Variants in KCTD13 observed in about 807,000 individuals in gnomAD.
KCTD13 encodes the protein BTB/POZ domain-containing adapter for CUL3-mediated RhoA degradation protein 1.
In KCTD13, 15 loss-of-function variants were observed where a neutral mutation model predicts 32.3. The ratio of observed to expected loss-of-function variants is 0.46; its 90% CI spans 0.31 to 0.71. KCTD13 has a LOEUF of 0.71. Ranked by LOEUF, KCTD13 falls within the 30% of genes least tolerant of loss-of-function variation. KCTD13 has a pLI of 0.05. For missense variants in KCTD13, 337 were observed against 452.6 expected (o/e 0.74, Z 2.32); for synonymous variants, 189 against 200.1 (o/e 0.94, Z 0.47).
At position 29,914,723 on chromosome 16, in the gene KCTD13, G is replaced by A. The variant is rs187310193; in HGVS notation, c.415-2674C>T. 380 of 152,374 alleles carry A rather than the reference G, an allele frequency of 2.5e-3. 1 individual carries two copies. Among genetic ancestry groups the A allele is most frequent in the Middle Eastern group, 0.01 (3 of 296 alleles). The allele number at this position is 152,374 out of a possible 1,614,324, so 9.4% of individuals were successfully genotyped here. On this transcript the variant is annotated intron_variant, in intron 2 of 5. Transcript: ENST00000568000. ...GTTGGGATTACAGGCGTGAGCCACCGCATCCAGCCCTTAAGTGCATTTCCT... is the reference window on the plus strand; with the variant it reads ...GTTGGGATTACAGGCGTGAGCCACCACATCCAGCCCTTAAGTGCATTTCCT...
chr16:29,926,102 TCGGCCGGC>T lies in KCTD13; in HGVS notation c.-77_-70del. 1 of 1,427,234 alleles carries T rather than the reference TCGGCCGGC, an allele frequency of 7.0e-7. No individual in the cohort carries two copies. Among genetic ancestry groups the T allele is most frequent in the African/African-American group, 1.5e-5 (1 of 66,544 alleles). The allele number at this position is 1,427,234 out of a possible 1,614,324, so 88.4% of individuals were successfully genotyped here. A position where few individuals can be genotyped will look rare whatever the true frequency, so the allele number is the denominator to read the frequency against. On this transcript the variant is annotated 5_prime_UTR_variant, in exon 1 of 6. Coordinates refer to ENST00000568000, the MANE Select transcript of KCTD13 (RefSeq NM_178863.5). The stretch of plus-strand genomic sequence containing the variant: ...CCCTGCGGCCTGCTCCCGAAGACCC[TCGGCCGGC>T]CCCCAGCCCTTGGGCCAGACCGCTC...
chr16:29,912,121 A>C (rs908794205), intron 2 of KCTD13, 72 bp from the exon 3 acceptor site: 1 of 1,083,318 alleles, frequency 9.2e-7, no homozygotes, highest in Admixed American at 2.2e-5. Flanking sequence ...AAGCCTTCAA[A>C]AGCTGGTTGG....
At chr16:29,913,293 T>G (rs1308677213) in intron 2 of KCTD13, 1 of 152,104 alleles carries the variant, frequency 6.6e-6, no homozygotes, top group Non-Finnish European at 1.5e-5. Context: ...CTGCCAGATA[T>G]TAAGATAGGC....
chr16:29,923,731 G>T (rs7184288), intron 1 of KCTD13, among the ~76,000 whole-genome samples: 1 of 151,358 alleles, frequency 6.6e-6, no homozygotes, highest in Non-Finnish European at 1.5e-5. Context: ...CTTGGTGGCT[G>T]GTGCCAGCTA....
chr16:29,923,131 A>C (rs2068940252), intron 2 of KCTD13, 59 bp downstream of exon 2: 1 of 1,581,954 alleles, frequency 6.3e-7, no homozygotes, highest in Non-Finnish European at 8.6e-7. Context: ...TTTCTGCTCT[A>C]ATACCTGCTT....
At position 29,906,815 on chromosome 16, in the gene KCTD13, GGAAA is replaced by G. The variant is rs1309716468; in HGVS notation, c.*53_*56del. ...CGGGGCAAAAGTCTGGGAAGGGGAGGGAAAGAGAGAGGGACTGGGTCCCAAGGCA... is the reference window on the plus strand; with the variant it reads ...CGGGGCAAAAGTCTGGGAAGGGGAGGGAGAGAGGGACTGGGTCCCAAGGCA... On this transcript the variant is annotated 3_prime_UTR_variant, in exon 6 of 6. Coordinates refer to ENST00000568000, the MANE Select transcript of KCTD13 (RefSeq NM_178863.5). 17 of 1,486,848 alleles carry G rather than the reference GGAAA, an allele frequency of 1.1e-5. No homozygotes were observed. Among genetic ancestry groups the G allele is most frequent in the Non-Finnish European group, 1.5e-5 (16 of 1,073,306 alleles). The allele number at this position is 1,486,848 out of a possible 1,614,324, so 92.1% of individuals were successfully genotyped here. A position where few individuals can be genotyped will look rare whatever the true frequency, so the allele number is the denominator to read the frequency against.
chr16:29,912,282 G>C, intron 2 of KCTD13: 1 of 572,474 alleles, frequency 1.7e-6, no homozygotes, highest in Non-Finnish European at 3.0e-6. Context: ...CCGGCCACTG[G>C]CTGTGCCCCT....
chr16:29,911,073 C>T lies in KCTD13; in HGVS notation c.658G>A (p.Glu220Lys), dbSNP rs763903243. 3.7e-6 allele frequency: 6 copies of T among 1,614,082 alleles called. No homozygotes were observed. Among genetic ancestry groups the T allele is most frequent in the Non-Finnish European group, 5.1e-6 (6 of 1,180,032 alleles). ...LLFLKDVLGD[E>K]ICCWSFYGQG... ...CCGTAGAAAGACCAGCAGCAGATCT[C>T]GTCCCCCAGGACATCCTTGAGGAAG... Residue 220 changes from glutamate to lysine, a missense_variant, in exon 5 of 6, where the codon GAG becomes AAG. Glu to Lys is a moderately conservative substitution (Grantham distance 56). Transcript: ENST00000568000.
intron 2 of KCTD13, chr16:29,915,025 C>T (rs902223274): frequency 6.6e-6 from 1 of 151,548 alleles, no homozygotes; most frequent in African/African-American, 2.4e-5. Flanking sequence ...ATAAGTCATA[C>T]ATATAAGTCA....
intron 2 of KCTD13, among the ~76,000 whole-genome samples, chr16:29,916,022 G>C (rs2150839640): frequency 6.6e-6 from 1 of 152,180 alleles, no homozygotes; most frequent in Admixed American, 6.5e-5. Context: ...CAAGAAGCCA[G>C]GTGGCACCTT....
chr16:29,920,543 C>T (rs913948670), intron 2 of KCTD13: 10 of 151,796 alleles, frequency 6.6e-5, no homozygotes, highest in Non-Finnish European at 1.5e-4. Flanking sequence ...GGATCTCCTG[C>T]TAAGCAACAT....
chr16:29,917,596 G>A (rs2068832961), intron 2 of KCTD13, among the ~76,000 whole-genome samples: 1 of 151,930 alleles, frequency 6.6e-6, no homozygotes, highest in East Asian at 1.9e-4. Flanking sequence ...TCTGGCCAAC[G>A]TCGTGAAACC....
At chr16:29,917,635 C>T (rs1199868841) in intron 2 of KCTD13, among the ~76,000 whole-genome samples, 1 of 152,024 alleles carries the variant, frequency 6.6e-6, no homozygotes, top group African/African-American at 2.4e-5. Context: ...AAAAATTAGC[C>T]AGGCATGGTG....
At chr16:29,913,478 G>A (rs1330968519) in intron 2 of KCTD13, 1 of 152,192 alleles carries the variant, frequency 6.6e-6, no homozygotes, top group Non-Finnish European at 1.5e-5. Flanking sequence ...ATCTATCACT[G>A]TGTAACAAAC....
In KCTD13 at chr16:29,923,306, G is replaced by A. The variant is rs1169964727; in HGVS notation, c.298C>T (p.Leu100=). 2 of 1,614,152 alleles carry A rather than the reference G, an allele frequency of 1.2e-6. No homozygotes were observed. The highest frequency in any genetic ancestry group is 1.7e-6 in the Non-Finnish European group (2 of 1,180,034). The change falls in exon 2 of 6, where the codon CTG becomes TTG. Residue 100 remains leucine, a synonymous_variant. Transcript: ENST00000568000. The part of the protein sequence containing the change: ...GRHFGTILNY[L]RDGSVPLPES... ...GGCAGTGGCACAGACCCATCCCGCAGGTAATTGAGGATTGTACCAAAGTGA... is the reference window on the plus strand; with the variant it reads ...GGCAGTGGCACAGACCCATCCCGCAAGTAATTGAGGATTGTACCAAAGTGA...
At chr16:29,925,645 T>A in intron 1 of KCTD13, 145 bp downstream of exon 1, 1 of 710,002 alleles carries the variant, frequency 1.4e-6, no homozygotes, top group Non-Finnish European at 2.4e-6. Context: ...GGAGATGGGA[T>A]GTGGGGGCTG....
chr16:29,923,753 G>A (rs544948822), intron 1 of KCTD13, among the ~76,000 whole-genome samples: 4 of 152,040 alleles, frequency 2.6e-5, no homozygotes, highest in East Asian at 1.9e-4. Flanking sequence ...TCGGGGGGGG[G>A]CGAGGCAGGA....
chr16:29,919,296 T>A (rs765426441), intron 2 of KCTD13, among the ~76,000 whole-genome samples: 2 of 151,598 alleles, frequency 1.3e-5, no homozygotes, highest in Non-Finnish European at 2.9e-5. Context: ...ATGCTTATGG[T>A]ATTATTTGGC....
chr16:29,910,772 C>A (rs1013034595), intron 5 of KCTD13, among the ~76,000 whole-genome samples: 13 of 152,230 alleles, frequency 8.5e-5, no homozygotes, highest in African/African-American at 3.1e-4. Flanking sequence ...AGGCTAAGCA[C>A]CCTGCTCTAA....
Sources: gnomAD v4.1 joint callset for allele counts (sites outside exome capture counted in the v4.1 genomes callset) on GRCh38, gnomAD v4.1.1 for gene constraint, MANE v1.5 for transcripts, NCBI Gene and HGNC (gene_info 2026-07-23, HGNC 2026-07-21) for gene names.